CSMD1: variants seen among roughly 807,000 people sequenced by gnomAD.
CSMD1 encodes CUB and Sushi multiple domains 1.
A neutral mutation model predicts 417.5 loss-of-function variants in CSMD1; 213 were observed. That is an observed-to-expected ratio of 0.51 (90% CI 0.46 to 0.57). CSMD1 has a LOEUF of 0.57. Ranked by LOEUF, CSMD1 falls within the 20% of genes least tolerant of loss-of-function variation. The pLI is 0.00. For missense variants in CSMD1, 6,923 were observed against 4,529.7 expected, an observed-to-expected ratio of 1.53 and a Z score of -15.17; for synonymous variants, 2,862 against 1,736.8, an observed-to-expected ratio of 1.65 and a Z score of -16.11.
chr8:3,771,343 G>A (rs755554419), intron 5 of CSMD1, among the ~76,000 whole-genome samples: 8 of 152,118 alleles, frequency 5.3e-5, no homozygotes, highest in Admixed American at 4.6e-4. Context: ...AAAGAAGAAC[G>A]CTTAGAAATT....
intron 3 of CSMD1, among the ~76,000 whole-genome samples, chr8:4,162,744 T>A (rs1371695273): frequency 6.6e-6 from 1 of 152,124 alleles, no homozygotes; most frequent in Non-Finnish European, 1.5e-5. Context: ...CTTACATTGG[T>A]AAGTCATTAT....
intron 48 of CSMD1, among the ~76,000 whole-genome samples, chr8:3,087,957 G>A (rs1265271852): frequency 1.3e-5 from 2 of 152,142 alleles, no homozygotes; most frequent in Admixed American, 1.3e-4. Flanking sequence ...TCTTAATCAA[G>A]GCCATTAATT....
chr8:3,568,109 T>A (rs1799791962), intron 10 of CSMD1, among the ~76,000 whole-genome samples: 1 of 152,288 alleles, frequency 6.6e-6, no homozygotes, highest in Admixed American at 6.5e-5. Flanking sequence ...CCATTATAAA[T>A]ATATAATAAA....
intron 3 of CSMD1, among the ~76,000 whole-genome samples, chr8:4,040,324 A>G (rs899642070): frequency 6.6e-6 from 1 of 152,170 alleles, no homozygotes; most frequent in Non-Finnish European, 1.5e-5. Flanking sequence ...ATATATATTG[A>G]GTATGTATCA....
chr8:4,857,534 A>G (rs963297982), intron 1 of CSMD1, among the ~76,000 whole-genome samples: 7 of 152,338 alleles, frequency 4.6e-5, no homozygotes, highest in African/African-American at 1.7e-4. Flanking sequence ...ACTAATGAAA[A>G]AAAGAGAGAA....
chr8:4,949,913 A>AGT (rs36057334), intron 1 of CSMD1, among the ~76,000 whole-genome samples: 153 of 151,108 alleles, frequency 1.0e-3, no homozygotes, highest in Middle Eastern at 3.4e-3. Context: ...CACCAACTTG[A>AGT]GTGTGTGTGT....
At chr8:3,133,575 G>T (rs1585432383) in intron 41 of CSMD1, among the ~76,000 whole-genome samples, 1 of 152,198 alleles carries the variant, frequency 6.6e-6, no homozygotes, top group Non-Finnish European at 1.5e-5. Flanking sequence ...GAATGAAGGG[G>T]TTCTGAGGAG....
chr8:4,817,313 T>A (rs1799264317), intron 1 of CSMD1, among the ~76,000 whole-genome samples: 1 of 152,214 alleles, frequency 6.6e-6, no homozygotes, highest in Non-Finnish European at 1.5e-5. Flanking sequence ...AAGGTGGCTA[T>A]TATTTTCTTC....
At chr8:3,710,103 G>C (rs1041239681) in intron 6 of CSMD1, among the ~76,000 whole-genome samples, 1 of 149,520 alleles carries the variant, frequency 6.7e-6, no homozygotes, top group African/African-American at 2.5e-5. Flanking sequence ...TATATTTTAC[G>C]CATTCATGAC....
intron 27 of CSMD1, among the ~76,000 whole-genome samples, chr8:3,225,334 A>G (rs1363818601): frequency 6.6e-6 from 1 of 152,136 alleles, no homozygotes; most frequent in African/African-American, 2.4e-5. Flanking sequence ...TACGTTCAAG[A>G]GTAATATGAT....
intron 35 of CSMD1, among the ~76,000 whole-genome samples, chr8:3,188,598 C>G (rs1021853730): frequency 2.6e-5 from 4 of 152,008 alleles, no homozygotes; most frequent in African/African-American, 9.7e-5. Flanking sequence ...TGAGCCAATG[C>G]ACACGGCTGA....
intron 5 of CSMD1, among the ~76,000 whole-genome samples, chr8:3,909,953 G>C (rs1286732989): frequency 6.6e-6 from 1 of 152,042 alleles, no homozygotes; most frequent in Non-Finnish European, 1.5e-5. Context: ...ATGGCTTTTT[G>C]ACTGATATGC....
intron 68 of CSMD1, among the ~76,000 whole-genome samples, chr8:2,943,150 T>C (rs1048116499): frequency 1.3e-5 from 2 of 152,182 alleles, no homozygotes; most frequent in African/African-American, 4.8e-5. Context: ...ATAATTATAG[T>C]TCAATGTCAC....
At chr8:4,838,436 A>G (rs1585190162) in intron 1 of CSMD1, among the ~76,000 whole-genome samples, 1 of 152,212 alleles carries the variant, frequency 6.6e-6, no homozygotes, top group South Asian at 2.1e-4. Context: ...CATAGCTCAA[A>G]CCAGAGGGAA....
intron 5 of CSMD1, among the ~76,000 whole-genome samples, chr8:3,948,780 A>G (rs1811412391): frequency 6.6e-6 from 1 of 152,198 alleles, no homozygotes; most frequent in African/African-American, 2.4e-5. Flanking sequence ...TATGACTATT[A>G]CAATCAAAAG....
At chr8:3,493,326 G>C (rs1211062668) in intron 11 of CSMD1, among the ~76,000 whole-genome samples, 1 of 150,940 alleles carries the variant, frequency 6.6e-6, no homozygotes, top group African/African-American at 2.4e-5. Context: ...GGGGCGGAGG[G>C]GTTGATTTGA....
chr8:4,462,516 C>G (rs929823665), intron 2 of CSMD1, among the ~76,000 whole-genome samples: 1 of 152,052 alleles, frequency 6.6e-6, no homozygotes, highest in Admixed American at 6.5e-5. Flanking sequence ...TATGGATATT[C>G]AAAGGACTTA....
chr8:3,585,848 T>C lies in CSMD1; in HGVS notation c.1222+288A>G, dbSNP rs1472306128. Among the ~76,000 whole-genome samples, 5 of 152,308 alleles carry C rather than the reference T, an allele frequency of 3.3e-5. No individual in the cohort carries two copies. In the East Asian group the frequency reaches 9.7e-4, roughly 29 times the overall value. ...GCTGTGGGACATATATTCACACACA[T>C]GCACACTGTTTGTGTGTATTGATAG... On this transcript the variant is annotated intron_variant, in intron 9 of 69. Coordinates refer to ENST00000635120, the MANE Select transcript of CSMD1 (RefSeq NM_033225.6).
chr8:4,186,910 C>T (rs1220228537), intron 3 of CSMD1, among the ~76,000 whole-genome samples: 1 of 151,768 alleles, frequency 6.6e-6, no homozygotes, highest in Non-Finnish European at 1.5e-5. Context: ...GCAGGAGAAT[C>T]ACCTGAACCC....
Sources: allele counts gnomAD v4.1 joint callset (sites outside exome capture counted in the v4.1 genomes callset), GRCh38; gene constraint gnomAD v4.1.1; transcripts MANE v1.5; gene names NCBI Gene and HGNC (gene_info 2026-07-23, HGNC 2026-07-21).